The following IQSEC1 variants were observed in gnomAD, a reference collection of about 807,000 sequenced individuals.
IQSEC1 encodes the protein IQ motif and SEC7 domain-containing protein 1.
Under a neutral mutation model 91.0 loss-of-function variants are expected in IQSEC1, and 31 were observed. The observed-to-expected ratio is 0.34, with a 90% CI of 0.26 to 0.46. IQSEC1 has a LOEUF of 0.46. Among genes scored for constraint, IQSEC1 ranks in the 20% least tolerant of loss-of-function variants. IQSEC1 has a pLI of 1.00. For missense variants in IQSEC1, 1,388 were observed against 1,575.6 expected, an observed-to-expected ratio of 0.88 and a Z score of 2.02; for synonymous variants, 699 against 662.6, an observed-to-expected ratio of 1.05 and a Z score of -0.84.
At chr3:13,151,939 C>T (rs1707007424) in intron 2 of IQSEC1, among the ~76,000 whole-genome samples, 1 of 152,096 alleles carries the variant, frequency 6.6e-6, no homozygotes, top group African/African-American at 2.4e-5. Context: ...GTACTCCAGG[C>T]TGGGTGACAG....
chr3:13,053,220 G>A (rs1410892112), intron 1 of IQSEC1: 23 of 638,590 alleles, frequency 3.6e-5, no homozygotes, highest in Non-Finnish European at 8.5e-6. Context: ...GGGATGCTGC[G>A]ACCCATCCTT....
intron 1 of IQSEC1, among the ~76,000 whole-genome samples, chr3:13,009,652 T>C (rs562202054): frequency 1.6e-4 from 20 of 123,638 alleles, no homozygotes; most frequent in Admixed American, 6.4e-4. Context: ...ATAATTAGTA[T>C]GTTTGTATAT....
rs550413528 is a variant in IQSEC1, at chr3:13,029,912, T to C, written c.23+43080A>G. Among the ~76,000 whole-genome samples the C allele has an allele frequency of 7.2e-5, 11 of 152,364 alleles. No homozygotes were observed. In the East Asian group the frequency reaches 2.1e-3, roughly 29 times the overall value. ...TAGAGGTAAGTCTGCTGCCTGAACC[T>C]GCTCCATGGCTTTCCTCCATTCCCA... On this transcript the variant is annotated intron_variant, in intron 1 of 13. Transcript: ENST00000613206.
At position 12,899,828 on chromosome 3, in the gene IQSEC1, G is replaced by T. The variant is rs1694047118; in HGVS notation, c.*1155C>A. ...TTCGGCCTGGTGTGGGTTGGAGGCG[G>T]GATGAGGACGTTATGGTGTTGGGGA... On this transcript the variant is annotated 3_prime_UTR_variant, in exon 14 of 14. Coordinates refer to ENST00000613206, the MANE Select transcript of IQSEC1 (RefSeq NM_001134382.3). The T allele has an allele frequency of 9.1e-6, 9 of 985,274 alleles. No homozygotes were observed. In the South Asian group the frequency reaches 4.2e-4, roughly 46 times the overall value. The allele number at this position is 985,274 out of a possible 1,614,324, so 61.0% of individuals were successfully genotyped here.
At chr3:13,180,692 C>T (rs1576285180) in intron 1 of IQSEC1, among the ~76,000 whole-genome samples, 1 of 144,938 alleles carries the variant, frequency 6.9e-6, no homozygotes, top group Non-Finnish European at 1.5e-5. Context: ...AGGTCTGCAG[C>T]TTCACTCCTG....
intron 1 of IQSEC1, among the ~76,000 whole-genome samples, chr3:13,195,414 GCAAA>G (rs1694108148): frequency 1.3e-5 from 2 of 152,202 alleles, no homozygotes. Context: ...AGCCTCCGTG[GCAAA>G]CAGTTTGGCA....
At chr3:13,165,412 G>A (rs1693467934) in intron 1 of IQSEC1, among the ~76,000 whole-genome samples, 1 of 151,792 alleles carries the variant, frequency 6.6e-6, no homozygotes, top group South Asian at 2.1e-4. Context: ...CAGGAAGCCT[G>A]ATGATGGGGA....
At chr3:13,071,143 G>GTTTTTTTTTTTTTTTTTTT (rs1553563495) in intron 1 of IQSEC1, among the ~76,000 whole-genome samples, 2 of 112,720 alleles carry the variant, frequency 1.8e-5, no homozygotes, top group African/African-American at 3.2e-5. Context: ...GACCCACACA[G>GTTTTTTTTTTTTTTTTTTT]TTTTTTTTTG....
intron 2 of IQSEC1, among the ~76,000 whole-genome samples, chr3:13,096,916 G>C (rs360755): frequency 6.7e-6 from 1 of 150,034 alleles, no homozygotes; most frequent in Non-Finnish European, 1.5e-5. Flanking sequence ...GCTGGAGTGC[G>C]GTGGCGCGAT....
In IQSEC1 at chr3:12,967,236, G is replaced by T; in HGVS notation, c.24-25371C>A. On this transcript the variant is annotated intron_variant, in intron 1 of 13. Coordinates refer to ENST00000613206, the MANE Select transcript of IQSEC1 (RefSeq NM_001134382.3). This position sits in a 1 kb window ranked among gnomAD's most constrained non-coding sequence, Gnocchi z 5.9. The stretch of plus-strand genomic sequence containing the variant: ...CTCTCACCCAAACCCACAGTCTGGC[G>T]GACGCACCCCGCCCCGCAGGCAGCT... The T allele has an allele frequency of 1.6e-6, 1 of 629,650 alleles. No homozygotes were observed. Among genetic ancestry groups the T allele is most frequent in the Non-Finnish European group, 2.6e-6 (1 of 380,760 alleles). 39.0% of individuals were successfully genotyped at this position (629,650 alleles called of 1,614,324 possible). A position where few individuals can be genotyped will look rare whatever the true frequency, so the allele number is the denominator to read the frequency against.
At chr3:12,966,955 C>A (rs921882129) in intron 1 of IQSEC1, among the ~76,000 whole-genome samples, 2 of 152,176 alleles carry the variant, frequency 1.3e-5, no homozygotes, top group African/African-American at 2.4e-5. Flanking sequence ...TGGAAACAGG[C>A]ACAGACCCGC....
intron 1 of IQSEC1, among the ~76,000 whole-genome samples, chr3:13,021,327 C>A (rs1222489333): frequency 6.6e-6 from 1 of 152,214 alleles, no homozygotes; most frequent in Non-Finnish European, 1.5e-5. Flanking sequence ...CCCTTTCATT[C>A]TCACCATGCA....
At chr3:13,254,499 G>T (rs1695252566) in intron 1 of IQSEC1, among the ~76,000 whole-genome samples, 3 of 152,242 alleles carry the variant, frequency 2.0e-5, no homozygotes, top group Admixed American at 2.0e-4. Flanking sequence ...CTGCACAAAG[G>T]TGTTAGTGAG....
chr3:12,949,440 C>T (rs1168977401), intron 1 of IQSEC1, among the ~76,000 whole-genome samples: 1 of 152,278 alleles, frequency 6.6e-6, no homozygotes, highest in Non-Finnish European at 1.5e-5. Context: ...TCAGGCCAGA[C>T]TCCTGGCAGT....
At chr3:13,189,373 G>C (rs1355860859) in intron 1 of IQSEC1, among the ~76,000 whole-genome samples, 1 of 151,266 alleles carries the variant, frequency 6.6e-6, no homozygotes, top group Non-Finnish European at 1.5e-5. Flanking sequence ...GCTGACGGTT[G>C]AGGTCCTGCT....
Position 12,901,190 on chromosome 3 carries a change from GTGGTGGTGGTGA to G in IQSEC1, c.3126_3137del (p.His1044_His1047del), listed in dbSNP as rs753323382. ...CGTGCTGGATGTGCTGGGGTGGGTG[GTGGTGGTGGTGA>G]TGGTGGTACGGGGGAGGGTTCTGCA... On this transcript the variant is annotated inframe_deletion, in exon 14 of 14. Coordinates refer to ENST00000613206, the MANE Select transcript of IQSEC1 (RefSeq NM_001134382.3). 1.3e-5 allele frequency: 20 copies of G among 1,542,434 alleles called. No homozygotes were observed. In the South Asian group the frequency reaches 2.4e-4, roughly 18 times the overall value.
At chr3:13,121,482 C>T (rs1433456624) in intron 2 of IQSEC1, among the ~76,000 whole-genome samples, 1 of 152,120 alleles carries the variant, frequency 6.6e-6, no homozygotes, top group Non-Finnish European at 1.5e-5. Flanking sequence ...AATGATGTGA[C>T]CAAATGCCCC....
In IQSEC1 at chr3:13,214,528, A is replaced by G. The variant is rs1026813631; in HGVS notation, c.273-50395T>C. ...TGGGAAACTCCCTTTCATGGCCTCC[A>G]TTGCACGTGGGTGCAGCCTGGGGCC... On this transcript the variant is annotated intron_variant, in intron 1 of 15. Coordinates refer to the IQSEC1 transcript ENST00000648114. The surrounding 1 kb of genome is among the most constrained non-coding windows in gnomAD (Gnocchi z 4.5). 2.0e-5 allele frequency among the ~76,000 whole-genome samples: 3 copies of G among 152,232 alleles called. No individual in the cohort carries two copies. The highest frequency in any genetic ancestry group is 4.8e-5 in the African/African-American group (2 of 41,454).
rs1422821781 is a variant in IQSEC1, at chr3:12,900,852, G to C, written c.*131C>G. The C allele has an allele frequency of 6.6e-7, 1 of 1,525,020 alleles. No homozygotes were observed. The allele number at this position is 1,525,020 out of a possible 1,614,324, so 94.5% of individuals were successfully genotyped here. On this transcript the variant is annotated 3_prime_UTR_variant, in exon 14 of 14. Transcript: ENST00000613206. ...CCTGTGGGCTCCTGGGGCTCCGGTT[G>C]GGCCGTGAGGGGCAGAGGGGAGAGA...
Sources: gnomAD v4.1 joint callset for allele counts (sites outside exome capture counted in the v4.1 genomes callset) on GRCh38, gnomAD v4.1.1 for gene constraint, Gnocchi (gnomAD v3.1) non-coding constraint, MANE v1.5 for transcripts, NCBI Gene and HGNC (gene_info 2026-07-23, HGNC 2026-07-21) for gene names.